DENND5A: variants seen among roughly 807,000 people sequenced by gnomAD.
DENND5A encodes DENN domain containing 5A.
In DENND5A, 64 loss-of-function variants were observed where a neutral mutation model predicts 140.3. The observed-to-expected ratio is 0.46, with a 90% CI of 0.37 to 0.56. The LOEUF is 0.56. DENND5A is among the 20% of genes least tolerant of loss of function. The pLI is 0.00. For synonymous variants in DENND5A, 605 were observed against 607.7 expected, an observed-to-expected ratio of 1.00 and a Z score of 0.07; for missense variants, 1,292 against 1,593.8, an observed-to-expected ratio of 0.81 and a Z score of 3.22.
intron 1 of DENND5A, among the ~76,000 whole-genome samples, chr11:9,255,755 C>G (rs529521264): frequency 6.6e-6 from 1 of 152,112 alleles, no homozygotes; most frequent in Admixed American, 6.6e-5. Context: ...GTCCCAGCTA[C>G]TTGGGAGGCC....
chr11:9,151,682 A>C (rs1327701556), intron 13 of DENND5A, among the ~76,000 whole-genome samples: 2 of 152,238 alleles, frequency 1.3e-5, no homozygotes, highest in Non-Finnish European at 2.9e-5. Flanking sequence ...GAAGTAAAAG[A>C]AGCAGGGAGA....
chr11:9,171,620 G>C (rs1848376772), intron 8 of DENND5A: 1 of 151,162 alleles, frequency 6.6e-6, no homozygotes, highest in South Asian at 2.1e-4. Context: ...CAGCACTCTG[G>C]GAGGCCAAAG....
chr11:9,192,840 A>C (rs565004618), intron 5 of DENND5A, among the ~76,000 whole-genome samples: 52 of 152,348 alleles, frequency 3.4e-4, no homozygotes, highest in African/African-American at 1.1e-3. Flanking sequence ...TTCTGCTGGT[A>C]ATTCTAAAAA....
chr11:9,240,075 T>C (rs1851170342), intron 1 of DENND5A, among the ~76,000 whole-genome samples: 1 of 152,192 alleles, frequency 6.6e-6, no homozygotes, highest in African/African-American at 2.4e-5. Flanking sequence ...TTTCCCTCTC[T>C]TGAACCCCAA....
chr11:9,235,124 ATTCCATTC>A (rs1248445699), intron 1 of DENND5A, among the ~76,000 whole-genome samples: 3 of 152,198 alleles, frequency 2.0e-5, no homozygotes, highest in Non-Finnish European at 1.5e-5. Flanking sequence ...TGACCCATCA[ATTCCATTC>A]TTGGATATAT....
At chr11:9,248,367 G>C (rs1383056546) in intron 1 of DENND5A, among the ~76,000 whole-genome samples, 1 of 152,026 alleles carries the variant, frequency 6.6e-6, no homozygotes, top group African/African-American at 2.4e-5. Context: ...GACTTAAAGG[G>C]AGGTTGGCCA....
Position 9,179,157 on chromosome 11 carries a change from ATTT to A in DENND5A, c.1456-87_1456-85del, listed in dbSNP as rs901512648. On this transcript the variant is annotated intron_variant, in intron 6 of 22. Transcript: ENST00000328194. ...ATGCAATTCCTGATTTTTTTATCTG[ATTT>A]TTTTTTACAGTGCTAATTTACTTAG... is the stretch of plus-strand genomic sequence containing the variant. The A allele has an allele frequency of 3.2e-6, 4 of 1,253,190 alleles. No individual in the cohort carries two copies. In the East Asian group the frequency reaches 9.6e-5, roughly 30 times the overall value. 77.6% of individuals were successfully genotyped at this position (1,253,190 alleles called of 1,614,324 possible). A position where few individuals can be genotyped will look rare whatever the true frequency, so the allele number is the denominator to read the frequency against.
intron 4 of DENND5A, among the ~76,000 whole-genome samples, chr11:9,196,897 C>T (rs1422796908): frequency 6.6e-6 from 1 of 151,892 alleles, no homozygotes; most frequent in Non-Finnish European, 1.5e-5. Context: ...AGGCGTGAGC[C>T]ACCACACCTG....
intron 1 of DENND5A, among the ~76,000 whole-genome samples, chr11:9,258,037 C>T (rs773412879): frequency 3.3e-5 from 5 of 152,136 alleles, no homozygotes; most frequent in Non-Finnish European, 1.5e-5. Context: ...AAGTGATCCA[C>T]CCACCTCAAC....
Position 9,147,686 on chromosome 11 carries a change from T to C in DENND5A, c.2736-535A>G, listed in dbSNP as rs570630315. On this transcript the variant is annotated intron_variant, in intron 15 of 22. Transcript: ENST00000328194. ...GGCAGGCTTCTGCTCCCGCCTCTGA[T>C]CCAGGTCACAGGCAAGGAAGAGCCA... Among the ~76,000 whole-genome samples, 12 of 152,328 alleles carry C rather than the reference T, an allele frequency of 7.9e-5. No homozygotes were observed. In the South Asian group the frequency reaches 2.3e-3, roughly 29 times the overall value.
Position 9,265,005 on chromosome 11 carries a change from C to T in DENND5A, c.65G>A (p.Cys22Tyr). Residue 22 changes from cysteine (C) to tyrosine (Y), a missense_variant, in exon 1 of 23, where the codon TGC becomes TAC. Around this residue, in one of 4 missense-constraint regions of DENND5A, gnomAD observed 566 missense variants for 650.4 expected, o/e 0.87. Coordinates refer to ENST00000328194, the MANE Select transcript of DENND5A (RefSeq NM_015213.4). This position sits in a 1 kb window ranked among gnomAD's most constrained non-coding sequence, Gnocchi z 4.7. Reference protein sequence around the residue: ...PSRFADYFVICGLDTETGLEP... With the variant: ...PSRFADYFVIYGLDTETGLEP... Reference sequence around the variant, plus strand: ...CAGCCCGGTCTCCGTGTCCAGTCCGCAGATGACAAAGTAGTCGGCGAAGCG... The same window carrying T: ...CAGCCCGGTCTCCGTGTCCAGTCCGTAGATGACAAAGTAGTCGGCGAAGCG... 1 of 1,589,222 alleles carries T rather than the reference C, an allele frequency of 6.3e-7. No homozygotes were observed. Among genetic ancestry groups the T allele is most frequent in the Non-Finnish European group, 8.5e-7 (1 of 1,170,144 alleles).
chr11:9,209,551 T>TA (rs779393768), intron 1 of DENND5A, among the ~76,000 whole-genome samples: 13 of 152,174 alleles, frequency 8.5e-5, no homozygotes, highest in Non-Finnish European at 1.8e-4. Context: ...TGGTTCTAAA[T>TA]AAAGGACTAT....
intron 1 of DENND5A, among the ~76,000 whole-genome samples, chr11:9,261,911 G>T (rs1276316894): frequency 6.6e-6 from 1 of 151,728 alleles, no homozygotes; most frequent in Non-Finnish European, 1.5e-5. Context: ...TCGGAAATGT[G>T]GTCTCGGCAT....
At position 9,146,936 on chromosome 11, in the gene DENND5A, T is replaced by C; in HGVS notation, c.2857+94A>G. The C allele has an allele frequency of 4.9e-6, 7 of 1,427,118 alleles. No individual in the cohort carries two copies. In the South Asian group the frequency reaches 8.5e-5, roughly 17 times the overall value. The allele number at this position is 1,427,118 out of a possible 1,614,324, so 88.4% of individuals were successfully genotyped here. ...GACAAATAGAAAGTACAAGGGATAATCTTCTTTCTTTAAAAAGGGGACAAT... is the reference window on the plus strand; with the variant it reads ...GACAAATAGAAAGTACAAGGGATAACCTTCTTTCTTTAAAAAGGGGACAAT... On this transcript the variant is annotated intron_variant, in intron 16 of 22. Coordinates refer to ENST00000328194, the MANE Select transcript of DENND5A (RefSeq NM_015213.4).
At position 9,180,904 on chromosome 11, in the gene DENND5A, C is replaced by T; in HGVS notation, c.1318G>A (p.Ala440Thr). ...ESASKLKRLR[A>T]SELVSDKRNG... is the part of the protein sequence containing the mutation. ...CTCTTGTCCGAGACAAGCTCAGAGG[C>T]CCGCAGCCTCTTCAGCTTGGAGGCA... The change falls in exon 6 of 23, where the codon GCC becomes ACC. Residue 440 changes from alanine to threonine, a missense_variant. Physicochemically the swap from Ala to Thr is moderately conservative, Grantham distance 58. Coordinates refer to ENST00000328194, the MANE Select transcript of DENND5A (RefSeq NM_015213.4). 6.2e-7 allele frequency: 1 copy of T among 1,614,200 alleles called. No homozygotes were observed. The highest frequency in any genetic ancestry group is 8.5e-7 in the Non-Finnish European group (1 of 1,180,038).
intron 5 of DENND5A, among the ~76,000 whole-genome samples, chr11:9,186,420 C>T (rs1217430995): frequency 6.6e-6 from 1 of 152,142 alleles, no homozygotes; most frequent in African/African-American, 2.4e-5. Context: ...CAAAACAAGC[C>T]ACTGTGACCC....
chr11:9,215,849 C>T (rs1034934405), intron 1 of DENND5A, among the ~76,000 whole-genome samples: 12 of 152,042 alleles, frequency 7.9e-5, no homozygotes, highest in African/African-American at 2.7e-4. Context: ...CGCGCCTGGC[C>T]GTTCTTTTAT....
intron 1 of DENND5A, among the ~76,000 whole-genome samples, chr11:9,240,309 C>T (rs11042238): frequency 0.032 from 4,889 of 152,208 alleles, 119 homozygotes; most frequent in East Asian, 0.072. Flanking sequence ...GCTGGAGAAT[C>T]GCTTGAACCC....
Position 9,178,383 on chromosome 11 carries a change from GA to G in DENND5A, c.1672-18del, listed in dbSNP as rs1564898726. Reference sequence around the variant, plus strand: ...AAAAGATGCCTGGTGGGACCAAAAAGAAGCAGTAATTGACAGGGAAAAGGGT... The same window carrying G: ...AAAAGATGCCTGGTGGGACCAAAAAGAGCAGTAATTGACAGGGAAAAGGGT... On this transcript the variant is annotated intron_variant, in intron 7 of 22. Transcript: ENST00000328194. 3 of 1,515,692 alleles carry G rather than the reference GA, an allele frequency of 2.0e-6. No homozygotes were observed. In the South Asian group the frequency reaches 3.4e-5, roughly 17 times the overall value. The allele number at this position is 1,515,692 out of a possible 1,614,324, so 93.9% of individuals were successfully genotyped here.
Sources: gnomAD v4.1 joint callset for allele counts (sites outside exome capture counted in the v4.1 genomes callset) on GRCh38, gnomAD v4.1.1 for gene constraint, gnomAD v4.1.1 regional missense constraint, Gnocchi (gnomAD v3.1) non-coding constraint, MANE v1.5 for transcripts, NCBI Gene and HGNC (gene_info 2026-07-23, HGNC 2026-07-21) for gene names.